KIF15: variants seen among roughly 807,000 people sequenced by gnomAD.
KIF15 encodes the protein kinesin-like protein KIF15.
Under a neutral mutation model 190.6 loss-of-function variants are expected in KIF15, and 140 were observed. The observed-to-expected ratio is 0.73, with a 90% CI of 0.64 to 0.84. The LOEUF (loss-of-function observed/expected upper bound fraction) is 0.84. KIF15 is among the 40% of genes least tolerant of loss of function. The pLI, the probability that KIF15 is intolerant of heterozygous loss-of-function variation, is 0.00. For synonymous variants in KIF15, 528 were observed against 551.3 expected (o/e 0.96, Z 0.59); for missense variants, 1,372 against 1,584.4 (o/e 0.87, Z 2.28).
intron 16 of KIF15, among the ~76,000 whole-genome samples, chr3:44,806,318 G>A (rs1407821671): frequency 6.6e-6 from 1 of 152,210 alleles, no homozygotes; most frequent in Non-Finnish European, 1.5e-5. Context: ...AGTACTAAAT[G>A]AGATAGATAA....
chr3:44,826,400 A>C lies in KIF15; in HGVS notation c.2726A>C (p.Glu909Ala), dbSNP rs1387867668. The C allele has an allele frequency of 1.2e-6, 2 of 1,613,046 alleles. No homozygotes were observed. The highest frequency in any genetic ancestry group is 4.5e-5 in the East Asian group (2 of 44,878). ...AATTTGATGGAGCTTCTTGAGGCAGAAAAAGAACGCAATAACAAATTATCA... is the reference window on the plus strand; with the variant it reads ...AATTTGATGGAGCTTCTTGAGGCAGCAAAAGAACGCAATAACAAATTATCA... Reference protein sequence around the residue: ...LNNLMELLEAEKERNNKLSLQ... With the variant: ...LNNLMELLEAAKERNNKLSLQ... Residue 909 changes from glutamate to alanine, a missense_variant, in exon 22 of 35, where the codon GAA becomes GCA. Coordinates refer to ENST00000326047, the MANE Select transcript of KIF15 (RefSeq NM_020242.3).
chr3:44,766,805 T>G (rs1705398248), intron 1 of KIF15, among the ~76,000 whole-genome samples: 1 of 149,226 alleles, frequency 6.7e-6, no homozygotes, highest in African/African-American at 2.5e-5. Flanking sequence ...TTTTCTTTCT[T>G]TCTTTTTTTT....
intron 26 of KIF15, among the ~76,000 whole-genome samples, chr3:44,837,284 G>A (rs1698367591): frequency 6.6e-6 from 1 of 152,186 alleles, no homozygotes; most frequent in Non-Finnish European, 1.5e-5. Flanking sequence ...AGCCTTTGGG[G>A]AGGTAGTCTG....
In KIF15 at chr3:44,852,755, A is replaced by C; in HGVS notation, c.*20A>C. ...TCTTGAGGATTCCGGTCAGCTACCTAGGCATCACCTTGTTTGAAGATGTTT... is the reference window on the plus strand; with the variant it reads ...TCTTGAGGATTCCGGTCAGCTACCTCGGCATCACCTTGTTTGAAGATGTTT... On this transcript the variant is annotated 3_prime_UTR_variant, in exon 35 of 35. Coordinates refer to ENST00000326047, the MANE Select transcript of KIF15 (RefSeq NM_020242.3). 1 of 1,573,202 alleles carries C rather than the reference A, an allele frequency of 6.4e-7. No homozygotes were observed. Among genetic ancestry groups the C allele is most frequent in the Non-Finnish European group, 8.6e-7 (1 of 1,162,314 alleles).
chr3:44,804,894 A>C (rs1318061088), intron 14 of KIF15, 133 bp from the exon 15 acceptor site: 2 of 870,500 alleles, frequency 2.3e-6, no homozygotes, highest in East Asian at 5.7e-5. Flanking sequence ...GGTTCACTTG[A>C]GACCAGAATT....
At position 44,829,655 on chromosome 3, in the gene KIF15, ATAT is replaced by A. The variant is rs1294609047; in HGVS notation, c.2944-312_2944-310del. On this transcript the variant is annotated intron_variant, in intron 24 of 34. Coordinates refer to ENST00000326047, the MANE Select transcript of KIF15 (RefSeq NM_020242.3). ...ATATATGTATATATTATATATGTAT[ATAT>A]TATGTATATATAATATATGTATATA... Among the ~76,000 whole-genome samples, 299 of 116,390 alleles carry A rather than the reference ATAT, an allele frequency of 2.6e-3. 11 individuals are homozygous for A. The highest frequency in any genetic ancestry group is 8.8e-3 in the African/African-American group (275 of 31,086). The allele number at this position is 116,390 out of a possible 152,430, so 76.4% of individuals were successfully genotyped here.
Position 44,812,254 on chromosome 3 carries a change from G to A in KIF15, c.2242G>A (p.Asp748Asn). 1 of 1,614,062 alleles carries A rather than the reference G, an allele frequency of 6.2e-7. No individual in the cohort carries two copies. The highest frequency in any genetic ancestry group is 8.5e-7 in the Non-Finnish European group (1 of 1,179,990). The change falls in exon 18 of 35, where the codon GAC (aspartate) becomes AAC (asparagine). Residue 748 changes from aspartate to asparagine, a missense_variant. Physicochemically the swap from Asp to Asn is conservative, Grantham distance 23. Coordinates refer to ENST00000326047, the MANE Select transcript of KIF15 (RefSeq NM_020242.3). ...HKNLKLQQHV[D>N]KLEHHSTQMQ... ...AAACCTAAAGCTTCAGCAGCATGTTGACAAACTGGAACATCATTCTACCCA... is the reference window on the plus strand; with the variant it reads ...AAACCTAAAGCTTCAGCAGCATGTTAACAAACTGGAACATCATTCTACCCA...
intron 22 of KIF15, 29 bp downstream of exon 22, chr3:44,826,489 A>T: frequency 7.1e-7 from 1 of 1,399,500 alleles, no homozygotes; most frequent in Non-Finnish European, 1.0e-6. Flanking sequence ...TTCTACTAGC[A>T]TACTAGAATA....
chr3:44,826,317 T>C (rs2125688480), intron 21 of KIF15, 58 bp from the exon 22 acceptor site: 3 of 1,569,550 alleles, frequency 1.9e-6, no homozygotes, highest in Non-Finnish European at 2.6e-6. Context: ...GTACTTGACA[T>C]GTTCGTTGAC....
rs1420055104 is a variant in KIF15, at chr3:44,829,510, C to T, written c.2944-461C>T. Among the ~76,000 whole-genome samples, 10 of 37,162 alleles carry T rather than the reference C, an allele frequency of 2.7e-4. No homozygotes were observed. In the South Asian group the frequency reaches 7.2e-3, roughly 27 times the overall value. The allele number at this position is 37,162 out of a possible 152,430, so 24.4% of individuals were successfully genotyped here. A position where few individuals can be genotyped will look rare whatever the true frequency, so the allele number is the denominator to read the frequency against. On this transcript the variant is annotated intron_variant, in intron 24 of 34. Transcript: ENST00000326047. ...ATAATATATGCATATATAATATACG[C>T]ATATATATTATATGTATATAATATG... is the stretch of plus-strand genomic sequence containing the variant.
chr3:44,840,423 A>C lies in KIF15; in HGVS notation c.3387A>C (p.Glu1129Asp), dbSNP rs912929966. 2 of 1,609,556 alleles carry C rather than the reference A, an allele frequency of 1.2e-6. No individual in the cohort carries two copies. The highest frequency in any genetic ancestry group is 2.7e-5 in the African/African-American group (2 of 74,772). Reference protein sequence around the residue: ...NEYNFKMRQLEHVMDSAAEDP... With the variant: ...NEYNFKMRQLDHVMDSAAEDP... ...ATAACTTCAAAATGAGGCAACTAGA[A>C]CATGTGATGGATTCTGCTGCTGAGG... is the stretch of plus-strand genomic sequence containing the variant. The change falls in exon 28 of 35, where the codon GAA (glutamate) becomes GAC (aspartate). Residue 1129 changes from glutamate (E) to aspartate (D), a missense_variant. Physicochemically the swap from Glu to Asp is conservative, Grantham distance 45. Transcript: ENST00000326047.
Position 44,794,390 on chromosome 3 carries a change from G to A in KIF15, c.813G>A (p.Arg271=). 1.2e-6 allele frequency: 2 copies of A among 1,609,154 alleles called. No individual in the cohort carries two copies. Among genetic ancestry groups the A allele is most frequent in the Non-Finnish European group, 1.7e-6 (2 of 1,177,620 alleles). The part of the protein sequence containing the change: ...LNLVDLAGSE[R]QKDTHAEGMR... Reference sequence around the variant, plus strand: ...TGGTGGATTTAGCAGGATCTGAAAGGCAAAAAGATACCCATGCAGAAGGGA... The same window carrying A: ...TGGTGGATTTAGCAGGATCTGAAAGACAAAAAGATACCCATGCAGAAGGGA... Residue 271 remains arginine (R), a synonymous_variant, in exon 8 of 35, where the codon AGG becomes AGA. Transcript: ENST00000326047.
At chr3:44,842,603 A>G (rs552208878) in intron 29 of KIF15, among the ~76,000 whole-genome samples, 38 of 152,360 alleles carry the variant, frequency 2.5e-4, no homozygotes, top group African/African-American at 8.7e-4. Context: ...CCAGATTGCC[A>G]TGATCTTGAA....
Position 44,812,196 on chromosome 3 carries a change from T to G in KIF15, c.2184T>G (p.Ala728=). 6.2e-7 allele frequency: 1 copy of G among 1,612,204 alleles called. No homozygotes were observed. Residue 728 remains alanine (A), a synonymous_variant, in exon 18 of 35, where the codon GCT becomes GCG. Transcript: ENST00000326047. ...TTGTGTTGCAGGAACAAATGAGTGC[T>G]CTTCAAGCCAAACTGGATGAAGAAG... ...ELRTVQEQMS[A]LQAKLDEEEH... is the part of the protein sequence containing the mutation.
At chr3:44,820,188 A>T (rs1189526661) in intron 20 of KIF15, among the ~76,000 whole-genome samples, 1 of 152,042 alleles carries the variant, frequency 6.6e-6, no homozygotes, top group African/African-American at 2.4e-5. Flanking sequence ...ATGGGTCTTG[A>T]CTATCCAATT....
chr3:44,839,094 G>T (rs79108044), intron 27 of KIF15, among the ~76,000 whole-genome samples: 174 of 152,282 alleles, frequency 1.1e-3, no homozygotes, highest in African/African-American at 3.9e-3. Flanking sequence ...GATGGGTCCA[G>T]GTGCGGTGGC....
At chr3:44,850,908 C>T (rs1699037981) in intron 32 of KIF15, among the ~76,000 whole-genome samples, 1 of 152,150 alleles carries the variant, frequency 6.6e-6, no homozygotes, top group African/African-American at 2.4e-5. Flanking sequence ...ATTAGCTGGC[C>T]TTGAATGGTG....
At chr3:44,857,586 G>A (rs930121186), downstream of KIF15, among the ~76,000 whole-genome samples, 1 of 152,198 alleles carries the variant, frequency 6.6e-6, no homozygotes, top group Admixed American at 6.5e-5. Flanking sequence ...TTCAAGGAAC[G>A]GAAAGAGGAG....
At chr3:44,852,596 T>G (rs574110126) in intron 34 of KIF15, 77 bp from the exon 35 acceptor site, 294 of 1,112,352 alleles carry the variant, frequency 2.6e-4, no homozygotes, top group Admixed American at 6.3e-4. Context: ...ATACACCTAA[T>G]AAATGCAAAA....
Sources: gnomAD v4.1 joint callset for allele counts (sites outside exome capture counted in the v4.1 genomes callset) on GRCh38, gnomAD v4.1.1 for gene constraint, MANE v1.5 for transcripts, NCBI Gene and HGNC (gene_info 2026-07-23, HGNC 2026-07-21) for gene names.